The following TAF4B variants were observed in gnomAD, a reference collection of about 807,000 sequenced individuals.
TAF4B encodes the protein TATA-box binding protein associated factor 4b.
Under a neutral mutation model 86.4 loss-of-function variants are expected in TAF4B, and 38 were observed. That is an observed-to-expected ratio of 0.44 (90% CI 0.34 to 0.58). TAF4B has a LOEUF of 0.58. Among genes scored for constraint, TAF4B ranks in the 20% least tolerant of loss-of-function variants. The probability of loss-of-function intolerance (pLI) is 0.02; values close to 1 mark genes in which losing one functional copy is unlikely to be tolerated. For missense variants in TAF4B, 988 were observed against 1,027.6 expected, an observed-to-expected ratio of 0.96 and a Z score of 0.53; for synonymous variants, 388 against 391.2, an observed-to-expected ratio of 0.99 and a Z score of 0.10.
intron 7 of TAF4B, among the ~76,000 whole-genome samples, chr18:26,289,507 A>G (rs1282570574): frequency 1.3e-5 from 2 of 151,978 alleles, no homozygotes; most frequent in Non-Finnish European, 2.9e-5. Context: ...TGTTTTTTAG[A>G]CAGTGTCTTA....
intron 1 of TAF4B, among the ~76,000 whole-genome samples, chr18:26,238,637 T>C (rs1456693434): frequency 6.6e-6 from 1 of 152,186 alleles, no homozygotes; most frequent in African/African-American, 2.4e-5. Context: ...ATGTGCACAA[T>C]GTGCAGGTTT....
At chr18:26,281,948 T>G in intron 5 of TAF4B, 23 bp from the exon 6 acceptor site, 1 of 1,550,860 alleles carries the variant, frequency 6.4e-7, no homozygotes, top group Non-Finnish European at 8.9e-7. Context: ...CTTAAAATTG[T>G]TTCTATTTCT....
chr18:26,365,275 G>A (rs905889644), intron 14 of TAF4B, among the ~76,000 whole-genome samples: 2 of 152,086 alleles, frequency 1.3e-5, no homozygotes, highest in East Asian at 3.9e-4. Flanking sequence ...CCAAAGTGCT[G>A]GGATTACAGA....
At chr18:26,353,644 G>A (rs951063981) in intron 13 of TAF4B, among the ~76,000 whole-genome samples, 5 of 152,254 alleles carry the variant, frequency 3.3e-5, no homozygotes, top group African/African-American at 4.8e-5. Context: ...TCCTAATATC[G>A]TTTTTAATGG....
chr18:26,321,203 A>G lies in TAF4B; in HGVS notation c.2133+3A>G, dbSNP rs754207117. 1.9e-6 allele frequency: 3 copies of G among 1,613,476 alleles called. No individual in the cohort carries two copies. The highest frequency in any genetic ancestry group is 1.7e-6 in the Non-Finnish European group (2 of 1,179,596). On this transcript the variant is annotated splice_donor_region_variant and intron_variant, in intron 11 of 14. Coordinates refer to ENST00000269142, the MANE Select transcript of TAF4B (RefSeq NM_005640.3). ...AGCATCGAATGACTACTTACAAGGT[A>G]AAGGAAATCATTAAAGAAGTATAAA... is the stretch of plus-strand genomic sequence containing the variant.
At chr18:26,337,087 C>G (rs1423028662) in intron 13 of TAF4B, among the ~76,000 whole-genome samples, 1 of 152,134 alleles carries the variant, frequency 6.6e-6, no homozygotes, top group East Asian at 1.9e-4. Flanking sequence ...CTTTGCACCT[C>G]CATTTATTTC....
At chr18:26,388,274 T>C (rs1392388438) in intron 14 of TAF4B, among the ~76,000 whole-genome samples, 1 of 152,242 alleles carries the variant, frequency 6.6e-6, no homozygotes, top group Non-Finnish European at 1.5e-5. Flanking sequence ...ATATTGGTAA[T>C]TCATATTGGT....
chr18:26,237,022 A>T (rs1231230198), intron 1 of TAF4B, among the ~76,000 whole-genome samples: 2 of 152,188 alleles, frequency 1.3e-5, no homozygotes, highest in African/African-American at 4.8e-5. Context: ...GACATCATTG[A>T]ATAATTCATG....
At position 26,232,729 on chromosome 18, in the gene TAF4B, G is replaced by A. The variant is rs148820421; in HGVS notation, c.343+5453G>A. Among the ~76,000 whole-genome samples, 535 of 152,360 alleles carry A rather than the reference G, an allele frequency of 3.5e-3. 2 individuals are homozygous for A. The highest frequency in any genetic ancestry group is 0.012 in the African/African-American group (502 of 41,588). ...AAAGTCCTCCTTTCTCAGCAGTGAGGAGGTCTAGGCCTCAGCGGTTTTGGA... is the reference window on the plus strand; with the variant it reads ...AAAGTCCTCCTTTCTCAGCAGTGAGAAGGTCTAGGCCTCAGCGGTTTTGGA... On this transcript the variant is annotated intron_variant, in intron 1 of 14. Coordinates refer to ENST00000269142, the MANE Select transcript of TAF4B (RefSeq NM_005640.3).
intron 7 of TAF4B, 120 bp from the exon 8 acceptor site, chr18:26,292,126 T>C: frequency 9.0e-7 from 1 of 1,111,898 alleles, no homozygotes; most frequent in Non-Finnish European, 1.2e-6. Flanking sequence ...GTAGGCATTC[T>C]TGTTAAGATA....
At chr18:26,309,243 GTATTTT>G (rs1290892745) in intron 9 of TAF4B, among the ~76,000 whole-genome samples, 43 of 88,812 alleles carry the variant, frequency 4.8e-4, no homozygotes, top group Middle Eastern at 9.4e-3. Context: ...AAACCTGACA[GTATTTT>G]TTTTTTTTTT....
rs544731709 is a variant in TAF4B, at chr18:26,235,708, G to A, written c.343+8432G>A. Among the ~76,000 whole-genome samples the A allele has an allele frequency of 1.4e-3, 211 of 152,296 alleles. 2 individuals are homozygous for A. Among genetic ancestry groups the A allele is most frequent in the African/African-American group, 5.0e-3 (207 of 41,566 alleles). On this transcript the variant is annotated intron_variant, in intron 1 of 14. Coordinates refer to ENST00000269142, the MANE Select transcript of TAF4B (RefSeq NM_005640.3). Reference sequence around the variant, plus strand: ...CCTCAAAGGCAAAGAGAAACTGAGAGTCAGAGTGCAGGGGAGTGCAGAAGA... The same window carrying A: ...CCTCAAAGGCAAAGAGAAACTGAGAATCAGAGTGCAGGGGAGTGCAGAAGA...
rs774886113 is a variant in TAF4B, at chr18:26,267,659, T to C, written c.597+36T>C. On this transcript the variant is annotated intron_variant, in intron 3 of 14. Transcript: ENST00000269142. ...CTGGCCATTCGTGCACTTGTTGTTCTCTTAACTTTTAAAAAAATCATTTAG... is the reference window on the plus strand; with the variant it reads ...CTGGCCATTCGTGCACTTGTTGTTCCCTTAACTTTTAAAAAAATCATTTAG... 10 of 1,450,406 alleles carry C rather than the reference T, an allele frequency of 6.9e-6. No individual in the cohort carries two copies. The Admixed American group carries it at 1.4e-4, about 20-fold the overall frequency. The allele number at this position is 1,450,406 out of a possible 1,614,324, so 89.8% of individuals were successfully genotyped here.
intron 11 of TAF4B, among the ~76,000 whole-genome samples, chr18:26,325,276 A>T (rs2056994863): frequency 6.6e-6 from 1 of 152,126 alleles, no homozygotes; most frequent in Admixed American, 6.6e-5. Flanking sequence ...GTTGCTTTAG[A>T]TGGGATTCAT....
intron 1 of TAF4B, among the ~76,000 whole-genome samples, chr18:26,232,445 G>A (rs2055686691): frequency 6.6e-6 from 1 of 152,162 alleles, no homozygotes; most frequent in African/African-American, 2.4e-5. Context: ...AAGACCATCT[G>A]TAGCTTGATG....
chr18:26,287,409 G>A (rs1434819568), intron 7 of TAF4B, among the ~76,000 whole-genome samples: 1 of 152,112 alleles, frequency 6.6e-6, no homozygotes, highest in Non-Finnish European at 1.5e-5. Flanking sequence ...TTGTCTGATT[G>A]TTGTGTTTTT....
chr18:26,285,210 C>CTTTTTTTTTTTTTTTTTTT (rs113394710), intron 6 of TAF4B, among the ~76,000 whole-genome samples: 11 of 42,522 alleles, frequency 2.6e-4, no homozygotes, highest in Non-Finnish European at 4.0e-4. Flanking sequence ...TCTTCCTTTC[C>CTTTTTTTTTTTTTTTTTTT]TTTTTTTTTT....
intron 2 of TAF4B, chr18:26,266,951 C>A (rs536063978): frequency 6.6e-6 from 1 of 152,244 alleles, no homozygotes; most frequent in African/African-American, 2.4e-5. Flanking sequence ...TGTAGTTTAG[C>A]ATTTTCTTGA....
chr18:26,357,979 A>AACTTGTTACTTATTTCATACT (rs1257312419), intron 14 of TAF4B, among the ~76,000 whole-genome samples, 185 bp downstream of exon 14: 1 of 152,312 alleles, frequency 6.6e-6, no homozygotes, highest in African/African-American at 2.4e-5. Context: ...TATCACCTTG[A>AACTTGTTACTTATTTCATACT]ACTTGTTACT....
Sources: allele counts gnomAD v4.1 joint callset (sites outside exome capture counted in the v4.1 genomes callset), GRCh38; gene constraint gnomAD v4.1.1; transcripts MANE v1.5; gene names NCBI Gene and HGNC (gene_info 2026-07-23, HGNC 2026-07-21).